The following VGLL4 variants were observed in gnomAD, a reference collection of about 807,000 sequenced individuals.
The protein encoded by VGLL4 is vestigial like family member 4.
A neutral mutation model predicts 21.0 loss-of-function variants in VGLL4; 7 were observed. The observed-to-expected ratio is 0.33, with a 90% confidence interval of 0.19 to 0.63. The LOEUF is 0.63. Ranked by LOEUF, VGLL4 falls within the 20% of genes least tolerant of loss-of-function variation. VGLL4 has a pLI of 0.78. For synonymous variants in VGLL4, 222 were observed against 173.2 expected (o/e 1.28, Z -2.21); for missense variants, 394 against 425.7 (o/e 0.93, Z 0.66).
Position 11,719,063 on chromosome 3 carries a change from G to C in VGLL4, c.-14+1331C>G, listed in dbSNP as rs986353512. ...GTGCTCTTCCGCGAGGCCTGCACTG[G>C]GTGCAGGGAGAGTGTGCAGTCCTGT... On this transcript the variant is annotated intron_variant, in intron 1 of 5. Coordinates refer to the VGLL4 transcript ENST00000273038. This position sits in a 1 kb window ranked among gnomAD's most constrained non-coding sequence, Gnocchi z 4.0. 1.3e-5 allele frequency among the ~76,000 whole-genome samples: 2 copies of C among 152,196 alleles called. No homozygotes were observed. The highest frequency in any genetic ancestry group is 2.9e-5 in the Non-Finnish European group (2 of 68,034).
chr3:11,582,842 C>CTGTAGGAAGCAACT (rs2074268053), intron 2 of VGLL4, among the ~76,000 whole-genome samples: 1 of 152,176 alleles, frequency 6.6e-6, no homozygotes, highest in Non-Finnish European at 1.5e-5. Flanking sequence ...CACTCCTGCA[C>CTGTAGGAAGCAACT]TGTAGGAAGC....
chr3:11,631,703 T>C (rs1327250451), intron 1 of VGLL4, among the ~76,000 whole-genome samples: 1 of 152,242 alleles, frequency 6.6e-6, no homozygotes, highest in Non-Finnish European at 1.5e-5. Flanking sequence ...TAACTTGATC[T>C]AATTTTATGT....
chr3:11,622,852 C>A (rs2075289971), intron 1 of VGLL4, among the ~76,000 whole-genome samples: 1 of 152,202 alleles, frequency 6.6e-6, no homozygotes, highest in Non-Finnish European at 1.5e-5. Context: ...CAGATGTGAG[C>A]TCATGTAACT....
intron 2 of VGLL4, 53 bp downstream of exon 2, chr3:11,601,780 T>G: frequency 6.3e-7 from 1 of 1,583,542 alleles, no homozygotes; most frequent in East Asian, 2.3e-5. Flanking sequence ...GCAAAACAAA[T>G]AAGGCCCCAG....
intron 2 of VGLL4, among the ~76,000 whole-genome samples, chr3:11,586,708 T>C (rs1340330064): frequency 6.6e-6 from 1 of 152,212 alleles, no homozygotes; most frequent in Non-Finnish European, 1.5e-5. Context: ...CATCCTTAGA[T>C]TTCTGTATCC....
intron 1 of VGLL4, among the ~76,000 whole-genome samples, chr3:11,630,002 T>G (rs1471926528): frequency 6.6e-6 from 1 of 152,212 alleles, no homozygotes; most frequent in East Asian, 1.9e-4. Flanking sequence ...GAGTCTTCTG[T>G]GCCACGTTGG....
intron 2 of VGLL4, among the ~76,000 whole-genome samples, chr3:11,570,306 C>G (rs184584666): frequency 6.6e-6 from 1 of 152,240 alleles, no homozygotes; most frequent in East Asian, 1.9e-4. Flanking sequence ...CCCACCAGCA[C>G]CATTTCCACC....
upstream of VGLL4, among the ~76,000 whole-genome samples, chr3:11,646,649 AAAC>A (rs1326729762): frequency 6.6e-6 from 1 of 152,256 alleles, no homozygotes; most frequent in Admixed American, 6.5e-5. Context: ...CAAATGATTC[AAAC>A]AATACCATTG....
At chr3:11,595,537 G>A (rs1348483187) in intron 2 of VGLL4, among the ~76,000 whole-genome samples, 2 of 151,916 alleles carry the variant, frequency 1.3e-5, no homozygotes, top group Admixed American at 6.6e-5. Context: ...ACATGCACAC[G>A]TATGTTTATT....
rs975129686 is a variant in VGLL4 at position 11,690,206 on chromosome 3, T to C, written c.64+12765A>G. On this transcript the variant is annotated intron_variant, in intron 2 of 5. Transcript: ENST00000273038. ...TTTTGAGTTACAATTGTTTTGTTTT[T>C]GTTTTCCTTTTGTCAATATAATCCC... 4.6e-5 allele frequency among the ~76,000 whole-genome samples: 7 copies of C among 152,388 alleles called. No individual in the cohort carries two copies. The East Asian group carries it at 7.7e-4, about 17-fold the overall frequency.
At chr3:11,614,959 C>A (rs1559901482) in intron 1 of VGLL4, among the ~76,000 whole-genome samples, 1 of 152,198 alleles carries the variant, frequency 6.6e-6, no homozygotes, top group Non-Finnish European at 1.5e-5. Flanking sequence ...ACATCCCATT[C>A]TCTTTACCTT....
upstream of VGLL4, among the ~76,000 whole-genome samples, chr3:11,645,809 T>C (rs1277142524): frequency 6.6e-6 from 1 of 150,974 alleles, no homozygotes; most frequent in Non-Finnish European, 1.5e-5. Flanking sequence ...CTGTCTCTAC[T>C]AAAAATACAA....
chr3:11,582,424 T>A, intron 2 of VGLL4: 2 of 1,514,400 alleles, frequency 1.3e-6, no homozygotes, highest in Non-Finnish European at 1.8e-6. Flanking sequence ...AAGTCCTCCC[T>A]GAAAGGAGGG....
At chr3:11,624,711 A>T (rs138820854) in intron 1 of VGLL4, among the ~76,000 whole-genome samples, 278 of 152,286 alleles carry the variant, frequency 1.8e-3, no homozygotes, top group African/African-American at 6.4e-3. Context: ...AAAAGCTTTG[A>T]ATTAGGCTTG....
intron 1 of VGLL4, among the ~76,000 whole-genome samples, chr3:11,638,974 C>T (rs2075638406): frequency 6.6e-6 from 1 of 152,200 alleles, no homozygotes; most frequent in Non-Finnish European, 1.5e-5. Flanking sequence ...ATGAACCGTT[C>T]TAAAGCTTGA....
chr3:11,587,420 A>G (rs1053032385), intron 2 of VGLL4, among the ~76,000 whole-genome samples: 1 of 152,228 alleles, frequency 6.6e-6, no homozygotes, highest in Admixed American at 6.5e-5. Context: ...TCAAAAGCCA[A>G]CGGCCTAAGA....
At position 11,643,473 on chromosome 3, in the gene VGLL4, T is replaced by TGG. The variant is rs758903415; in HGVS notation, c.45_46insCC (p.Lys16ProfsTer3). The TGG allele has an allele frequency of 6.2e-7, 1 of 1,614,048 alleles. No individual in the cohort carries two copies. The highest frequency in any genetic ancestry group is 1.1e-5 in the South Asian group (1 of 91,080). On this transcript the variant is annotated frameshift_variant, in exon 1 of 5. Transcript: ENST00000430365. LOFTEE classifies it high-confidence loss of function. ...AGAATGCCGATATTGTTGTTCATCT[T>TGG]GTCCAAGTACTGATAGTTCAACAGG... is the stretch of plus-strand genomic sequence containing the variant.
intron 1 of VGLL4, among the ~76,000 whole-genome samples, chr3:11,636,108 C>T (rs1312558022): frequency 6.6e-6 from 1 of 152,128 alleles, no homozygotes; most frequent in African/African-American, 2.4e-5. Flanking sequence ...TCTCTTGTCG[C>T]GTTAATAGTA....
chr3:11,609,940 G>A (rs1020700256), intron 1 of VGLL4, among the ~76,000 whole-genome samples: 2 of 152,272 alleles, frequency 1.3e-5, no homozygotes, highest in Admixed American at 1.3e-4. Context: ...ATGCCGTGCC[G>A]AACAGAGAGT....
Sources: gnomAD v4.1 joint callset for allele counts (sites outside exome capture counted in the v4.1 genomes callset) on GRCh38, gnomAD v4.1.1 for gene constraint, Gnocchi (gnomAD v3.1) non-coding constraint, MANE v1.5 for transcripts, NCBI Gene and HGNC (gene_info 2026-07-23, HGNC 2026-07-21) for gene names.